ATP9B: variants seen among roughly 807,000 people sequenced by gnomAD.
The protein encoded by ATP9B is ATPase phospholipid transporting 9B, also known as probable phospholipid-transporting ATPase IIB.
A neutral mutation model predicts 146.1 loss-of-function variants in ATP9B; 110 were observed. The ratio of observed to expected loss-of-function variants is 0.75; its 90% CI spans 0.65 to 0.88. The LOEUF (loss-of-function observed/expected upper bound fraction) is 0.88, where lower values mean the gene tolerates loss of function less well. Among genes scored for constraint, ATP9B ranks in the 40% least tolerant of loss-of-function variants. The pLI, the probability that ATP9B is intolerant of heterozygous loss-of-function variation, is 0.00. For synonymous variants in ATP9B, 604 were observed against 569.7 expected, an observed-to-expected ratio of 1.06 and a Z score of -0.86; for missense variants, 1,499 against 1,496.4, an observed-to-expected ratio of 1.00 and a Z score of -0.03.
At chr18:79,210,636 T>C (rs2095575635) in intron 10 of ATP9B, among the ~76,000 whole-genome samples, 1 of 152,224 alleles carries the variant, frequency 6.6e-6, no homozygotes, top group Non-Finnish European at 1.5e-5. Flanking sequence ...GTTGGAGTTG[T>C]ACGTGCAGTG....
intron 12 of ATP9B, among the ~76,000 whole-genome samples, chr18:79,255,695 A>G (rs1165938863): frequency 6.6e-6 from 1 of 152,110 alleles, no homozygotes; most frequent in African/African-American, 2.4e-5. Context: ...AGCCTTGCTC[A>G]CTCAAAGACC....
rs566219594 is a variant in ATP9B, at chr18:79,253,245, A to G, written c.1108-136A>G. 363 of 768,010 alleles carry G rather than the reference A, an allele frequency of 4.7e-4. 5 individuals carry two copies. The South Asian group carries it at 8.4e-3, about 18-fold the overall frequency. The allele number at this position is 768,010 out of a possible 1,614,324, so 47.6% of individuals were successfully genotyped here. On this transcript the variant is annotated intron_variant, in intron 11 of 29. Transcript: ENST00000426216. Reference sequence around the variant, plus strand: ...TTCTAGAAATTCTGCCTGAATTTTCATATTTCATTATAATAAAGGCTAATA... The same window carrying G: ...TTCTAGAAATTCTGCCTGAATTTTCGTATTTCATTATAATAAAGGCTAATA...
At chr18:79,277,689 T>A (rs1320045244) in intron 13 of ATP9B, among the ~76,000 whole-genome samples, 1 of 152,218 alleles carries the variant, frequency 6.6e-6, no homozygotes, top group Non-Finnish European at 1.5e-5. Flanking sequence ...CTGTTTGTCC[T>A]TATTTAATTT....
rs548926163 is a variant in ATP9B, at chr18:79,211,531, T to A, written c.1031-2431T>A. 2.0e-5 allele frequency among the ~76,000 whole-genome samples: 3 copies of A among 152,326 alleles called. No homozygotes were observed. In the East Asian group the frequency reaches 5.8e-4, roughly 29 times the overall value. ...TGGAGTGTAGGAGTAAATGTGGTCA[T>A]ATTTTATGCCTCCCTTTTTGGACCC... On this transcript the variant is annotated intron_variant, in intron 10 of 29. Transcript: ENST00000426216.
chr18:79,327,819 CGTGGTTAGTGTGTT>C (rs2096765178), intron 15 of ATP9B, among the ~76,000 whole-genome samples: 1 of 118,366 alleles, frequency 8.4e-6, no homozygotes, highest in African/African-American at 3.4e-5. Flanking sequence ...GCGTGTTCTC[CGTGGTTAGTGTGTT>C]CTCCGTGGTT....
chr18:79,124,377 C>T (rs1239269671), intron 4 of ATP9B, among the ~76,000 whole-genome samples: 1 of 152,218 alleles, frequency 6.6e-6, no homozygotes, highest in African/African-American at 2.4e-5. Context: ...AAAAAGAATA[C>T]AGTGTGTGCT....
At chr18:79,375,807 G>T in intron 29 of ATP9B, 7 of 985,392 alleles carry the variant, frequency 7.1e-6, no homozygotes, top group Non-Finnish European at 8.4e-6. Context: ...GAGATCCAGC[G>T]CTTCCCTGTG....
Position 79,251,904 on chromosome 18 carries a change from T to C in ATP9B, c.1108-1477T>C, listed in dbSNP as rs185585240. Among the ~76,000 whole-genome samples, 11 of 152,346 alleles carry C rather than the reference T, an allele frequency of 7.2e-5. No individual in the cohort carries two copies. In the South Asian group the frequency reaches 8.3e-4, roughly 11 times the overall value. On this transcript the variant is annotated intron_variant, in intron 11 of 29. Coordinates refer to ENST00000426216, the MANE Select transcript of ATP9B (RefSeq NM_198531.5). ...ATTCAGGAGAAATTGAGATGGCAGA[T>C]AGATAACTAACCTGATAGAATTTAG...
chr18:79,307,613 A>G (rs2096626784), intron 15 of ATP9B, among the ~76,000 whole-genome samples: 1 of 152,242 alleles, frequency 6.6e-6, no homozygotes, highest in Admixed American at 6.5e-5. Flanking sequence ...TCCAAATTGA[A>G]TCATCTGGTT....
intron 4 of ATP9B, 95 bp from the exon 5 acceptor site, chr18:79,126,172 A>G (rs1349218225): frequency 1.0e-6 from 1 of 1,003,690 alleles, no homozygotes; most frequent in African/African-American, 1.6e-5. Context: ...AGAGAGTAAT[A>G]TAAATTGAAG....
intron 10 of ATP9B, among the ~76,000 whole-genome samples, chr18:79,211,277 A>G (rs554675513): frequency 2.0e-5 from 3 of 152,320 alleles, no homozygotes; most frequent in East Asian, 1.9e-4. Flanking sequence ...TTAAAATACA[A>G]CTGTAGTCAA....
chr18:79,119,183 A>G (rs1264839712), intron 4 of ATP9B, among the ~76,000 whole-genome samples: 2 of 152,016 alleles, frequency 1.3e-5, no homozygotes, highest in Non-Finnish European at 2.9e-5. Flanking sequence ...ATTTATATAT[A>G]TTTTGCTTCA....
At chr18:79,208,699 T>C (rs1237550404) in intron 10 of ATP9B, among the ~76,000 whole-genome samples, 1 of 152,184 alleles carries the variant, frequency 6.6e-6, no homozygotes, top group South Asian at 2.1e-4. Flanking sequence ...TATTTATATA[T>C]AAATTACATC....
chr18:79,377,297 A>T lies in ATP9B; in HGVS notation c.3358A>T (p.Thr1120Ser). The T allele has an allele frequency of 6.2e-7, 1 of 1,612,362 alleles. No individual in the cohort carries two copies. Among genetic ancestry groups the T allele is most frequent in the South Asian group, 1.1e-5 (1 of 91,036 alleles). The change falls in exon 30 of 30, where the codon ACC becomes TCC. Residue 1120 changes from threonine to serine, a missense_variant. By Grantham distance (58) the Thr-to-Ser change is moderately conservative. Transcript: ENST00000426216. ...VTFLWKVSAI[T>S]VVSCLPLYVL... ...CTTCCTGTGGAAAGTGTCGGCGATCACCGTGGTCAGCTGCCTCCCGCTGTA... is the reference window on the plus strand; with the variant it reads ...CTTCCTGTGGAAAGTGTCGGCGATCTCCGTGGTCAGCTGCCTCCCGCTGTA...
rs138840373 is a variant in ATP9B, at chr18:79,200,196, T to C, written c.955-6741T>C. Among the ~76,000 whole-genome samples, 4 of 152,344 alleles carry C rather than the reference T, an allele frequency of 2.6e-5. No homozygotes were observed. In the East Asian group the frequency reaches 5.8e-4, roughly 22 times the overall value. On this transcript the variant is annotated intron_variant, in intron 9 of 29. Transcript: ENST00000426216. ...CTATGACATTCTGATGGCTGCAGCA[T>C]GACCATGTGGTAGGAATGCTTCATC...
chr18:79,290,096 G>T (rs9635875), intron 13 of ATP9B, among the ~76,000 whole-genome samples: 1 of 151,924 alleles, frequency 6.6e-6, no homozygotes, highest in African/African-American at 2.4e-5. Context: ...CAGTCTGCCC[G>T]TTCTCAGATC....
intron 2 of ATP9B, among the ~76,000 whole-genome samples, chr18:79,104,934 G>A (rs1387329566): frequency 1.3e-5 from 2 of 151,850 alleles, no homozygotes; most frequent in Admixed American, 6.6e-5. Flanking sequence ...ATAGAGGCAG[G>A]GTCTTTCTAT....
At position 79,105,798 on chromosome 18, in the gene ATP9B, A is replaced by T. The variant is rs537319092; in HGVS notation, c.294-4557A>T. Among the ~76,000 whole-genome samples, 3 of 152,302 alleles carry T rather than the reference A, an allele frequency of 2.0e-5. No individual in the cohort carries two copies. In the East Asian group the frequency reaches 5.8e-4, roughly 29 times the overall value. On this transcript the variant is annotated intron_variant, in intron 2 of 29. Coordinates refer to ENST00000426216, the MANE Select transcript of ATP9B (RefSeq NM_198531.5). ...AAATGCTGGGATTATTCCTAGTTCTAATGTCCTCAACTAATCGGCAGACGT... is the reference window on the plus strand; with the variant it reads ...AAATGCTGGGATTATTCCTAGTTCTTATGTCCTCAACTAATCGGCAGACGT...
intron 1 of ATP9B, 107 bp from the exon 2 acceptor site, chr18:79,096,369 C>T (rs904016016): frequency 3.8e-6 from 4 of 1,041,730 alleles, no homozygotes; most frequent in Non-Finnish European, 5.6e-6. Flanking sequence ...ATAATGCTTT[C>T]CCTCAGCTGA....
Sources: allele counts gnomAD v4.1 joint callset (sites outside exome capture counted in the v4.1 genomes callset), GRCh38; gene constraint gnomAD v4.1.1; transcripts MANE v1.5; gene names NCBI Gene and HGNC (gene_info 2026-07-23, HGNC 2026-07-21).